Variants in PCDHA5 observed in about 807,000 individuals in gnomAD.
PCDHA5 encodes protocadherin alpha 5.
In PCDHA5, 43 loss-of-function variants were observed where a neutral mutation model predicts 61.6. The observed-to-expected ratio is 0.70, with a 90% confidence interval of 0.55 to 0.90. The LOEUF is 0.90. Ranked by LOEUF, PCDHA5 falls within the 40% of genes least tolerant of loss-of-function variation. The pLI is 0.00. For missense variants in PCDHA5, 1,298 were observed against 1,222.7 expected, an observed-to-expected ratio of 1.06 and a Z score of -0.92; for synonymous variants, 627 against 543.9, an observed-to-expected ratio of 1.15 and a Z score of -2.13.
rs2150413106 is a variant in PCDHA5, at chr5:140,848,576, GA to G, written c.2352+24450del. The G allele has an allele frequency of 8.8e-6, 14 of 1,595,434 alleles. No homozygotes were observed. The Admixed American group carries it at 2.0e-4, about 23-fold the overall frequency. On this transcript the variant is annotated intron_variant, in intron 1 of 3. Transcript: ENST00000529859. Reference sequence around the variant, plus strand: ...TGATCCTCGCAATGTGGGTGGTGGGGAGCGGCCAGCTCCACTACTCCGTCCC... The same window carrying G: ...TGATCCTCGCAATGTGGGTGGTGGGGGCGGCCAGCTCCACTACTCCGTCCC...
chr5:140,992,757 G>A (rs1345373474), intron 3 of PCDHA5, among the ~76,000 whole-genome samples: 2 of 152,110 alleles, frequency 1.3e-5, no homozygotes, highest in Non-Finnish European at 2.9e-5. Context: ...CCTGTGTTGG[G>A]GATAGGAGGG....
Position 140,967,085 on chromosome 5 carries a change from C to A in PCDHA5, c.2353-11864C>A, listed in dbSNP as rs155809. On this transcript the variant is annotated intron_variant, in intron 1 of 3. Coordinates refer to ENST00000529859, the MANE Select transcript of PCDHA5 (RefSeq NM_018908.3). ...GCTCTTCGTCAACGAGCGCATTGAT[C>A]GGGAGGCGCTGTGTGAGCAGCGGCC... The A allele has an allele frequency of 3.0e-3, 4,870 of 1,613,198 alleles. 112 individuals are homozygous for A. The African/African-American group carries it at 0.056, about 18-fold the overall frequency.
chr5:140,843,603 G>C lies in PCDHA5; in HGVS notation c.2352+19476G>C, dbSNP rs2150363259. ...CAACAGCCGCAGAGGGTGTGCTCTG[G>C]TGAGGGGCCACCGAAGACGGACCTC... On this transcript the variant is annotated intron_variant, in intron 1 of 3. Coordinates refer to ENST00000529859, the MANE Select transcript of PCDHA5 (RefSeq NM_018908.3). 45 of 1,596,084 alleles carry C rather than the reference G, an allele frequency of 2.8e-5. 3 individuals carry two copies. The East Asian group carries it at 3.1e-4, about 11-fold the overall frequency.
intron 1 of PCDHA5, chr5:140,869,367 T>G (rs2051076893): frequency 6.2e-7 from 1 of 1,614,002 alleles, no homozygotes; most frequent in South Asian, 1.1e-5. Context: ...TTGTGAATTC[T>G]CGGATCGACC....
At chr5:140,941,644 C>T (rs1157047813) in intron 1 of PCDHA5, among the ~76,000 whole-genome samples, 2 of 152,034 alleles carry the variant, frequency 1.3e-5, no homozygotes, top group African/African-American at 4.8e-5. Flanking sequence ...TGTCTTCCTA[C>T]AACTTATGTC....
chr5:140,841,787 G>A, intron 1 of PCDHA5: 1 of 1,613,878 alleles, frequency 6.2e-7, no homozygotes, highest in Non-Finnish European at 8.5e-7. Context: ...TCCGCTAGAG[G>A]GCGCGTCCGA....
intron 1 of PCDHA5, among the ~76,000 whole-genome samples, chr5:140,846,375 T>TG (rs1272448180): frequency 8.0e-6 from 1 of 125,456 alleles, no homozygotes; most frequent in African/African-American, 3.3e-5. Flanking sequence ...CTTTCTTTCT[T>TG]TTTTTTTTTT....
At chr5:140,985,974 C>T (rs562510809) in intron 3 of PCDHA5, among the ~76,000 whole-genome samples, 3 of 152,198 alleles carry the variant, frequency 2.0e-5, no homozygotes, top group Admixed American at 1.3e-4. Context: ...CTCCTGACCT[C>T]GTGATCCGCC....
intron 1 of PCDHA5, chr5:140,851,749 A>C (rs2042149157): frequency 1.0e-6 from 1 of 971,858 alleles, no homozygotes; most frequent in African/African-American, 1.8e-5. Context: ...CAGAGTCTGT[A>C]ACTTAAAACA....
intron 1 of PCDHA5, among the ~76,000 whole-genome samples, chr5:140,923,305 G>T (rs552769255): frequency 2.6e-5 from 4 of 152,186 alleles, no homozygotes; most frequent in Non-Finnish European, 5.9e-5. Context: ...GGGCGTGGGG[G>T]CGCTTGGCCT....
In PCDHA5 at chr5:140,850,228, G is replaced by A. The variant is rs199589192; in HGVS notation, c.2352+26101G>A. 517 of 1,593,874 alleles carry A rather than the reference G, an allele frequency of 3.2e-4. 25 individuals are homozygous for A. In the South Asian group the frequency reaches 5.4e-3, roughly 17 times the overall value. On this transcript the variant is annotated intron_variant, in intron 1 of 3. Coordinates refer to ENST00000529859, the MANE Select transcript of PCDHA5 (RefSeq NM_018908.3). ...ATGAGGGGCACTGACGGCGCAGTGA[G>A]CGAGATGGTGCTGCGGTCGGTGGGC...
At chr5:140,824,610 G>GTCT (rs1768191919) in intron 1 of PCDHA5, 1 of 95,104 alleles carries the variant, frequency 1.1e-5, no homozygotes, top group East Asian at 3.0e-4. Flanking sequence ...GCTAATTAAA[G>GTCT]TTTTTTTTTT....
chr5:140,966,859 G>A, intron 1 of PCDHA5: 1 of 1,577,136 alleles, frequency 6.3e-7, no homozygotes. Flanking sequence ...TCCTGCTGCT[G>A]TTGCTGCTGC....
rs192376340 is a variant in PCDHA5 at position 140,857,538 on chromosome 5, G to A, written c.2352+33411G>A. The A allele has an allele frequency of 8.8e-6, 14 of 1,597,348 alleles. No individual in the cohort carries two copies. In the East Asian group the frequency reaches 3.1e-4, roughly 36 times the overall value. On this transcript the variant is annotated intron_variant, in intron 1 of 3. Transcript: ENST00000529859. ...GTGTCCTACTCTCTGGTGGAGCGGC[G>A]GTTGGGCGAGCGCTCGCTGTCGAGC... is the stretch of plus-strand genomic sequence containing the variant.
At chr5:140,858,600 T>TA (rs1554151860) in intron 1 of PCDHA5, 1 of 1,293,862 alleles carries the variant, frequency 7.7e-7, no homozygotes, top group Non-Finnish European at 1.1e-6. Context: ...CCAGGAGTTT[T>TA]AAAATTTTTT....
chr5:140,998,836 T>C (rs1388208720), intron 3 of PCDHA5, among the ~76,000 whole-genome samples: 2 of 152,254 alleles, frequency 1.3e-5, no homozygotes, highest in Non-Finnish European at 2.9e-5. Context: ...AGTGCTGGAT[T>C]ACTGGTGTGA....
intron 1 of PCDHA5, among the ~76,000 whole-genome samples, chr5:140,937,273 G>A (rs1165421382): frequency 1.3e-5 from 2 of 151,966 alleles, no homozygotes; most frequent in African/African-American, 2.4e-5. Context: ...TCCTGACCTC[G>A]TGATTCACCC....
intron 1 of PCDHA5, among the ~76,000 whole-genome samples, chr5:140,892,823 C>T (rs1554185387): frequency 6.6e-6 from 1 of 152,120 alleles, no homozygotes; most frequent in East Asian, 1.9e-4. Context: ...TCCTACAGTG[C>T]TACAGTGCTG....
intron 1 of PCDHA5, chr5:140,883,598 G>A: frequency 6.2e-7 from 1 of 1,614,008 alleles, no homozygotes; most frequent in Middle Eastern, 1.7e-4. Context: ...CGTGTCGGTG[G>A]GGGTGGCCGA....
Sources: allele counts gnomAD v4.1 joint callset (sites outside exome capture counted in the v4.1 genomes callset), GRCh38; gene constraint gnomAD v4.1.1; transcripts MANE v1.5; gene names NCBI Gene and HGNC (gene_info 2026-07-23, HGNC 2026-07-21).